PCDHA4: variants seen among roughly 807,000 people sequenced by gnomAD.
The protein encoded by PCDHA4 is protocadherin alpha 4.
A neutral mutation model predicts 61.4 loss-of-function variants in PCDHA4; 49 were observed. The observed-to-expected ratio is 0.80, with a 90% confidence interval of 0.63 to 1.01. PCDHA4 has a LOEUF of 1.01. PCDHA4 is among the 50% of genes least tolerant of loss of function. PCDHA4 has a pLI of 0.00. For synonymous variants in PCDHA4, 590 were observed against 550.3 expected (o/e 1.07, Z -1.01); for missense variants, 1,254 against 1,235.8 (o/e 1.01, Z -0.22).
intron 3 of PCDHA4, among the ~76,000 whole-genome samples, chr5:141,000,477 G>C (rs1191359491): frequency 1.5e-5 from 2 of 132,058 alleles, no homozygotes; most frequent in African/African-American, 5.8e-5. Context: ...GCCCAAGCTG[G>C]AGTGCAATGG....
chr5:140,823,495 G>T (rs1004067167), intron 1 of PCDHA4: 2 of 1,613,220 alleles, frequency 1.2e-6, no homozygotes, highest in Non-Finnish European at 1.7e-6. Context: ...TGGCACCGGC[G>T]GCGCAGTGAG....
intron 1 of PCDHA4, chr5:140,929,422 T>C: frequency 1.3e-6 from 2 of 1,500,730 alleles, no homozygotes; most frequent in Non-Finnish European, 1.8e-6. Context: ...CAACATTTCA[T>C]CAATTGAACT....
At chr5:141,003,245 A>T (rs1554258962) in intron 3 of PCDHA4, among the ~76,000 whole-genome samples, 1 of 152,216 alleles carries the variant, frequency 6.6e-6, no homozygotes, top group African/African-American at 2.4e-5. Context: ...TTTGCCAAAA[A>T]GATTCCTGGG....
At position 140,869,037 on chromosome 5, in the gene PCDHA4, C is replaced by T. The variant is rs547872988; in HGVS notation, c.2385+59465C>T. 8.6e-5 allele frequency: 132 copies of T among 1,528,404 alleles called. No individual in the cohort carries two copies. In the East Asian group the frequency reaches 2.7e-3, roughly 31 times the overall value. The allele number at this position is 1,528,404 out of a possible 1,614,324, so 94.7% of individuals were successfully genotyped here. ...CTTAAGAATTCAACGAGATTTTTAA[C>T]CTGAAACTGAAGAATCTGGTACTGT... On this transcript the variant is annotated intron_variant, in intron 1 of 3. Coordinates refer to ENST00000530339, the MANE Select transcript of PCDHA4 (RefSeq NM_018907.4).
Position 140,916,518 on chromosome 5 carries a change from T to A in PCDHA4, c.2386-62431T>A, listed in dbSNP as rs187386381. Among the ~76,000 whole-genome samples the A allele has an allele frequency of 2.6e-5, 4 of 152,306 alleles. No homozygotes were observed. The East Asian group carries it at 7.7e-4, about 29-fold the overall frequency. ...AGCAGGTGATTAATCTTGCCAAGACTGGGTCCTTCCCACCAAGGCAATGGG... is the reference window on the plus strand; with the variant it reads ...AGCAGGTGATTAATCTTGCCAAGACAGGGTCCTTCCCACCAAGGCAATGGG... On this transcript the variant is annotated intron_variant, in intron 1 of 3. Coordinates refer to ENST00000530339, the MANE Select transcript of PCDHA4 (RefSeq NM_018907.4).
intron 1 of PCDHA4, among the ~76,000 whole-genome samples, chr5:140,942,119 A>T (rs1180591078): frequency 6.6e-6 from 1 of 152,242 alleles, no homozygotes; most frequent in African/African-American, 2.4e-5. Context: ...AACTTTATTA[A>T]AGGTGATATT....
intron 1 of PCDHA4, among the ~76,000 whole-genome samples, chr5:140,905,368 T>C (rs536118800): frequency 6.6e-6 from 1 of 152,218 alleles, no homozygotes; most frequent in African/African-American, 2.4e-5. Flanking sequence ...TATTTCTGGT[T>C]CTCTGTTCTG....
Position 140,843,432 on chromosome 5 carries a change from T to C in PCDHA4, c.2385+33860T>C. The C allele has an allele frequency of 3.1e-6, 5 of 1,596,056 alleles. 1 individual carries two copies. The highest frequency in any genetic ancestry group is 4.3e-6 in the Non-Finnish European group (5 of 1,165,572). ...GTCAACGTGTACCTGATCATCGCCA[T>C]CTGCGCGGTATCCAGCCTGCTGGTG... On this transcript the variant is annotated intron_variant, in intron 1 of 3. Coordinates refer to ENST00000530339, the MANE Select transcript of PCDHA4 (RefSeq NM_018907.4).
In PCDHA4 at chr5:140,856,797, T is replaced by C. The variant is rs116416365; in HGVS notation, c.2385+47225T>C. The C allele has an allele frequency of 1.0e-3, 1,647 of 1,595,690 alleles. 103 individuals carry two copies. The African/African-American group carries it at 0.02, about 19-fold the overall frequency. On this transcript the variant is annotated intron_variant, in intron 1 of 3. Transcript: ENST00000530339. ...GACAGACCGGTTTATGAAGTTAAGA[T>C]GTATGAAAATCAAGTGAACCAAACA... is the stretch of plus-strand genomic sequence containing the variant.
In PCDHA4 at chr5:140,808,489, G is replaced by A; in HGVS notation, c.1302G>A (p.Ser434=). The part of the protein sequence containing the change: ...VVTARDGGSP[S]LWATASVSVE... The stretch of plus-strand genomic sequence containing the variant: ...CCGCGCGAGACGGGGGCTCGCCTTC[G>A]CTGTGGGCCACGGCCAGTGTTTCTG... Residue 434 remains serine, a synonymous_variant, in exon 1 of 4, where the codon TCG becomes TCA. Coordinates refer to ENST00000530339, the MANE Select transcript of PCDHA4 (RefSeq NM_018907.4). The A allele has an allele frequency of 1.2e-6, 2 of 1,614,156 alleles. No individual in the cohort carries two copies. The highest frequency in any genetic ancestry group is 2.2e-5 in the South Asian group (2 of 91,086).
intron 1 of PCDHA4, among the ~76,000 whole-genome samples, chr5:140,855,480 A>T (rs567213059): frequency 4.7e-5 from 7 of 150,092 alleles, no homozygotes; most frequent in Middle Eastern, 6.8e-3. Context: ...GATGCTTGAC[A>T]TTAGTGTCTA....
intron 3 of PCDHA4, among the ~76,000 whole-genome samples, chr5:141,009,296 T>A (rs889577032): frequency 3.3e-4 from 50 of 152,004 alleles, no homozygotes; most frequent in Non-Finnish European, 5.3e-4. Context: ...TTCTATAAAA[T>A]TTTTTTTAAA....
intron 1 of PCDHA4, chr5:140,877,906 A>G: frequency 2.1e-6 from 3 of 1,435,008 alleles, no homozygotes; most frequent in Non-Finnish European, 1.8e-6. Flanking sequence ...TTATAACTAC[A>G]TTCTCTCATT....
chr5:140,964,785 C>G (rs890090665), intron 1 of PCDHA4, among the ~76,000 whole-genome samples: 40 of 151,526 alleles, frequency 2.6e-4, no homozygotes, highest in African/African-American at 9.7e-4. Context: ...GAGGAAGAAG[C>G]CAGAGACCCA....
At chr5:140,913,212 T>G (rs113766408) in intron 1 of PCDHA4, among the ~76,000 whole-genome samples, 11,533 of 152,278 alleles carry the variant, frequency 0.076, 607 homozygotes, top group Non-Finnish European at 0.12. Flanking sequence ...AGCCAATGGG[T>G]CCCAGGCTTT....
intron 1 of PCDHA4, among the ~76,000 whole-genome samples, chr5:140,838,466 C>T (rs1775745526): frequency 6.6e-6 from 1 of 151,588 alleles, no homozygotes; most frequent in South Asian, 2.1e-4. Context: ...TTCATTAGCG[C>T]TTATTCCTTG....
chr5:140,946,091 A>G (rs1554217315), intron 1 of PCDHA4, among the ~76,000 whole-genome samples: 1 of 152,040 alleles, frequency 6.6e-6, no homozygotes, highest in Non-Finnish European at 1.5e-5. Flanking sequence ...TCTGATAAGG[A>G]GTTAACATAC....
At chr5:140,966,962 G>T (rs370831122) in intron 1 of PCDHA4, 4 of 1,602,632 alleles carry the variant, frequency 2.5e-6, no homozygotes, top group Non-Finnish European at 3.4e-6. Context: ...TCGCGCGCTG[G>T]GGCTTGAGCT....
In PCDHA4 at chr5:140,876,730, G is replaced by A. The variant is rs1338047769; in HGVS notation, c.2385+67158G>A. ...CGCCCTGGACCGCGAGAGCGTGTCG[G>A]CCTATGAGCTGGTGGTGACTGCGCG... On this transcript the variant is annotated intron_variant, in intron 1 of 3. Transcript: ENST00000530339. 1.2e-6 allele frequency: 2 copies of A among 1,614,254 alleles called. No individual in the cohort carries two copies. The highest frequency in any genetic ancestry group is 1.7e-6 in the Non-Finnish European group (2 of 1,180,050).
Sources: gnomAD v4.1 joint callset for allele counts (sites outside exome capture counted in the v4.1 genomes callset) on GRCh38, gnomAD v4.1.1 for gene constraint, MANE v1.5 for transcripts, NCBI Gene and HGNC (gene_info 2026-07-23, HGNC 2026-07-21) for gene names.